The following ZNF503 variants were observed in gnomAD, a reference collection of about 807,000 sequenced individuals.
ZNF503 encodes the protein zinc finger protein 503.
ZNF503 carries 15 observed loss-of-function variants against 34.4 expected under a neutral mutation model. That is an observed-to-expected ratio of 0.44 (90% CI 0.29 to 0.67). The LOEUF (loss-of-function observed/expected upper bound fraction) is 0.67, where lower values mean the gene tolerates loss of function less well. ZNF503 is among the 30% of genes least tolerant of loss of function. The probability of loss-of-function intolerance (pLI) is 0.13; values close to 1 mark genes in which losing one functional copy is unlikely to be tolerated. For missense variants in ZNF503, 1,007 were observed against 926.8 expected, an observed-to-expected ratio of 1.09 and a Z score of -1.12; for synonymous variants, 580 against 456.8, an observed-to-expected ratio of 1.27 and a Z score of -3.44.
chr10:75,357,910 C>G, the ZNF503 span, among the ~76,000 whole-genome samples: 1 of 152,196 alleles, frequency 6.6e-6, no homozygotes, highest in African/African-American at 2.4e-5. Context: ...ATTCTGCAGC[C>G]TGAGTCTCCT....
At chr10:75,384,431 G>T in the ZNF503 span, among the ~76,000 whole-genome samples, 14 of 152,104 alleles carry the variant, frequency 9.2e-5, no homozygotes, top group East Asian at 7.7e-4. Context: ...AACACATAGA[G>T]TGTCACTTGG....
At chr10:75,292,020 A>G in the ZNF503 span, among the ~76,000 whole-genome samples, 54 of 152,252 alleles carry the variant, frequency 3.5e-4, no homozygotes, top group African/African-American at 1.2e-3. Flanking sequence ...GGGAAGTACC[A>G]TTACTGACAG....
chr10:75,316,271 A>G, the ZNF503 span, among the ~76,000 whole-genome samples: 1 of 152,048 alleles, frequency 6.6e-6, no homozygotes, highest in African/African-American at 2.4e-5. Context: ...CAGCATACAC[A>G]TTCTTCTCAA....
downstream of ZNF503, among the ~76,000 whole-genome samples, chr10:75,397,179 C>G (rs1251624743): frequency 4.6e-5 from 6 of 130,170 alleles, no homozygotes; most frequent in Admixed American, 3.1e-4. Context: ...CGGCCAGCCC[C>G]GGGTCCCGAC....
the ZNF503 span, among the ~76,000 whole-genome samples, chr10:75,323,154 C>G: frequency 2.0e-5 from 3 of 152,104 alleles, no homozygotes; most frequent in East Asian, 1.9e-4. Context: ...TTTCACATAG[C>G]AAAATGCATT....
the ZNF503 span, chr10:75,382,413 C>T: frequency 7.5e-6 from 3 of 398,056 alleles, no homozygotes; most frequent in Non-Finnish European, 1.5e-5. Flanking sequence ...TCTGTTTCCT[C>T]ATGTCGGAGA....
chr10:75,397,602 C>A (rs1205651959), downstream of ZNF503, among the ~76,000 whole-genome samples: 1 of 152,170 alleles, frequency 6.6e-6, no homozygotes, highest in African/African-American at 2.4e-5. Context: ...TGATAGATAG[C>A]GGAGGACACT....
the ZNF503 span, among the ~76,000 whole-genome samples, chr10:75,372,730 C>G: frequency 6.6e-6 from 1 of 152,186 alleles, no homozygotes; most frequent in African/African-American, 2.4e-5. Context: ...GCAACGACCC[C>G]CAATCCAAGC....
the ZNF503 span, among the ~76,000 whole-genome samples, chr10:75,313,147 A>G: frequency 1.3e-5 from 2 of 152,160 alleles, no homozygotes; most frequent in Admixed American, 6.5e-5. Context: ...ACAGACTAAT[A>G]CACTTGGTTT....
At chr10:75,283,602 G>A in the ZNF503 span, among the ~76,000 whole-genome samples, 3 of 152,136 alleles carry the variant, frequency 2.0e-5, no homozygotes, top group African/African-American at 4.8e-5. Flanking sequence ...GCAGGTTGAC[G>A]TGGGCATCGG....
At chr10:75,400,419 A>G in intron 1 of ZNF503, 45 bp from the exon 2 acceptor site, 2 of 1,554,700 alleles carry the variant, frequency 1.3e-6, no homozygotes, top group Middle Eastern at 1.7e-4. Context: ...CAGAGAAAGA[A>G]GTGGAAACCC....
At chr10:75,360,681 G>A in the ZNF503 span, 1 of 152,230 alleles carries the variant, frequency 6.6e-6, no homozygotes, top group Non-Finnish European at 1.5e-5. Context: ...CTGTTCTGAA[G>A]CTTTACCAGG....
chr10:75,399,730 G>T lies in ZNF503; in HGVS notation c.960C>A (p.Gly320=). The change falls in exon 2 of 2, where the codon GGC becomes GGA. Residue 320 remains glycine, a synonymous_variant. Transcript: ENST00000372524. ...AGGAGGTGGGCGCGCTGGGGCCGGA[G>T]CCGGAGCTGGAGCCCGATGAACCGC... ...DCGGSSGSSS[G]SGPSAPTSSS... is the part of the protein sequence containing the mutation. The T allele has an allele frequency of 6.3e-7, 1 of 1,595,552 alleles. No homozygotes were observed.
the ZNF503 span, among the ~76,000 whole-genome samples, chr10:75,323,910 G>C: frequency 1.4e-5 from 2 of 147,986 alleles, no homozygotes; most frequent in East Asian, 4.1e-4. Context: ...GCTGAGGCAG[G>C]AGAATTGCTT....
the ZNF503 span, among the ~76,000 whole-genome samples, chr10:75,365,188 G>T: frequency 1.3e-5 from 2 of 152,164 alleles, no homozygotes; most frequent in African/African-American, 2.4e-5. Context: ...TCGCTCTGTC[G>T]TCCAGGCTGG....
chr10:75,323,853 T>C, the ZNF503 span, among the ~76,000 whole-genome samples: 2 of 151,910 alleles, frequency 1.3e-5, no homozygotes, highest in Non-Finnish European at 2.9e-5. Context: ...ATACAAAAAA[T>C]TAGCCGGGCA....
Position 75,399,033 on chromosome 10 carries a change from A to G in ZNF503, c.1657T>C (p.Ser553Pro). 6.2e-7 allele frequency: 1 copy of G among 1,611,768 alleles called. No homozygotes were observed. The highest frequency in any genetic ancestry group is 8.5e-7 in the Non-Finnish European group (1 of 1,179,746). ...AGAGACGACGAGCTGGGGTAGCCCG[A>G]CAGCAGTTTGTCTGTCCCGGGAAAT... ...TAFPGTDKLL[S>P]GYPSSSSLAS... The change falls in exon 2 of 2, where the codon TCG becomes CCG. Residue 553 changes from serine to proline, a missense_variant. Transcript: ENST00000372524.
chr10:75,336,862 C>T, the ZNF503 span, among the ~76,000 whole-genome samples: 1 of 152,180 alleles, frequency 6.6e-6, no homozygotes, highest in Non-Finnish European at 1.5e-5. Context: ...CATGTGGCCC[C>T]CTTAATCTCA....
the ZNF503 span, among the ~76,000 whole-genome samples, chr10:75,326,968 G>A: frequency 6.6e-6 from 1 of 152,126 alleles, no homozygotes; most frequent in Non-Finnish European, 1.5e-5. Flanking sequence ...ACAGGCATGA[G>A]CCACCACACT....
Sources: gnomAD v4.1 joint callset for allele counts (sites outside exome capture counted in the v4.1 genomes callset) on GRCh38, gnomAD v4.1.1 for gene constraint, MANE v1.5 for transcripts, NCBI Gene and HGNC (gene_info 2026-07-23, HGNC 2026-07-21) for gene names.